The following SPATS2 variants were observed in gnomAD, a reference collection of about 807,000 sequenced individuals.
The protein encoded by SPATS2 is spermatogenesis-associated serine-rich protein 2.
Under a neutral mutation model 63.7 loss-of-function variants are expected in SPATS2, and 38 were observed. That is an observed-to-expected ratio of 0.60 (90% CI 0.46 to 0.78). SPATS2 has a LOEUF of 0.78. Ranked by LOEUF, SPATS2 falls within the 30% of genes least tolerant of loss-of-function variation. The pLI, the probability that SPATS2 is intolerant of heterozygous loss-of-function variation, is 0.00. For synonymous variants in SPATS2, 207 were observed against 232.9 expected, an observed-to-expected ratio of 0.89 and a Z score of 1.01; for missense variants, 588 against 666.2, an observed-to-expected ratio of 0.88 and a Z score of 1.29.
intron 3 of SPATS2, among the ~76,000 whole-genome samples, chr12:49,476,991 G>T (rs1395430951): frequency 6.6e-6 from 1 of 152,034 alleles, no homozygotes; most frequent in Non-Finnish European, 1.5e-5. Flanking sequence ...TATAATCCCA[G>T]CTACTTGGGA....
intron 2 of SPATS2, among the ~76,000 whole-genome samples, chr12:49,437,903 A>G (rs576808586): frequency 2.6e-4 from 40 of 152,242 alleles, no homozygotes; most frequent in African/African-American, 9.4e-4. Flanking sequence ...CTTATGTACA[A>G]ATGACTAGTC....
At chr12:49,504,770 CTTTTTTTTTTT>C (rs745453843) in intron 9 of SPATS2, among the ~76,000 whole-genome samples, 1 of 98,860 alleles carries the variant, frequency 1.0e-5, no homozygotes, top group East Asian at 2.8e-4. Context: ...TTCTTTCTTT[CTTTTTTTTTTT>C]TTTTTTTTTA....
chr12:49,485,881 T>C (rs1477448859), intron 4 of SPATS2, among the ~76,000 whole-genome samples: 1 of 149,388 alleles, frequency 6.7e-6, no homozygotes, highest in Non-Finnish European at 1.5e-5. Flanking sequence ...TCCCCCAGCC[T>C]CCTGAGTAGC....
intron 3 of SPATS2, among the ~76,000 whole-genome samples, chr12:49,464,141 C>T (rs1301960259): frequency 6.6e-6 from 1 of 152,098 alleles, no homozygotes; most frequent in Non-Finnish European, 1.5e-5. Flanking sequence ...TTAAAATTTG[C>T]CCAAGTGTAT....
At chr12:49,480,920 A>G (rs867674929) in intron 3 of SPATS2, among the ~76,000 whole-genome samples, 4 of 152,288 alleles carry the variant, frequency 2.6e-5, no homozygotes, top group Middle Eastern at 3.4e-3. Flanking sequence ...TAACAGCAGA[A>G]TGAGACTGTG....
At chr12:49,394,031 T>C (rs1944464428) in intron 2 of SPATS2, among the ~76,000 whole-genome samples, 1 of 152,112 alleles carries the variant, frequency 6.6e-6, no homozygotes, top group Admixed American at 6.6e-5. Context: ...CCAGGACTTT[T>C]GCATTTTCAT....
intron 2 of SPATS2, among the ~76,000 whole-genome samples, chr12:49,391,820 CTT>C (rs1347695678): frequency 6.6e-6 from 1 of 152,002 alleles, no homozygotes; most frequent in Non-Finnish European, 1.5e-5. Flanking sequence ...CCACTTTACA[CTT>C]CAGAATTTTT....
At chr12:49,397,358 G>A (rs1944528925) in intron 2 of SPATS2, among the ~76,000 whole-genome samples, 2 of 152,140 alleles carry the variant, frequency 1.3e-5, no homozygotes, top group African/African-American at 2.4e-5. Context: ...CCTGTCCTGA[G>A]AAGAGTGCTT....
rs1592473472 is a variant in SPATS2, at chr12:49,512,041, A to T, written c.840-2514A>T. On this transcript the variant is annotated intron_variant, in intron 9 of 13. Coordinates refer to ENST00000552918, the MANE Select transcript of SPATS2 (RefSeq NM_023071.4). ...AATGCTTTAGCATAAATAACCTAAA[A>T]ATAGGTCATTCTTCTATACAACTAT... is the stretch of plus-strand genomic sequence containing the variant. Among the ~76,000 whole-genome samples, 3 of 152,214 alleles carry T rather than the reference A, an allele frequency of 2.0e-5. No individual in the cohort carries two copies. The South Asian group carries it at 6.2e-4, about 31-fold the overall frequency.
At chr12:49,375,174 GTGTGTGTGTGTGTGTGTGT>G (rs1432453817) in intron 2 of SPATS2, among the ~76,000 whole-genome samples, 37 of 135,752 alleles carry the variant, frequency 2.7e-4, no homozygotes, top group African/African-American at 4.1e-4. Context: ...GTGTGTGTGT[GTGTGTGTGTGTGTGTGTGT>G]GTGGTGGTAG....
At chr12:49,487,253 G>C (rs975084629) in intron 4 of SPATS2, among the ~76,000 whole-genome samples, 1 of 152,134 alleles carries the variant, frequency 6.6e-6, no homozygotes, top group Non-Finnish European at 1.5e-5. Context: ...TTGGGAGGCC[G>C]AGGCAGGCAG....
At position 49,367,840 on chromosome 12, in the gene SPATS2, T is replaced by G. The variant is rs143602476; in HGVS notation, c.-307+253T>G. Among the ~76,000 whole-genome samples, 988 of 132,910 alleles carry G rather than the reference T, an allele frequency of 7.4e-3. 9 individuals carry two copies. Among genetic ancestry groups the G allele is most frequent in the African/African-American group, 0.026 (899 of 34,880 alleles). The allele number at this position is 132,910 out of a possible 152,430, so 87.2% of individuals were successfully genotyped here. ...GATAGGCCGGGGAAACAATGGAGTG[T>G]GGGGGGGACTCTGGCGTGAGCGTGT... is the stretch of plus-strand genomic sequence containing the variant. On this transcript the variant is annotated intron_variant, in intron 1 of 13. Coordinates refer to ENST00000552918, the MANE Select transcript of SPATS2 (RefSeq NM_023071.4).
chr12:49,503,939 G>C (rs1029996493), intron 9 of SPATS2, among the ~76,000 whole-genome samples: 1 of 152,160 alleles, frequency 6.6e-6, no homozygotes, highest in African/African-American at 2.4e-5. Flanking sequence ...TAACAACCAG[G>C]TCAATTTAAC....
chr12:49,423,142 G>GTT (rs1320450085), intron 2 of SPATS2, among the ~76,000 whole-genome samples: 3 of 142,016 alleles, frequency 2.1e-5, no homozygotes, highest in African/African-American at 2.6e-5. Context: ...TACTGTTTTT[G>GTT]TTTTTTTTTT....
At chr12:49,517,249 C>T (rs939926522) in intron 10 of SPATS2, among the ~76,000 whole-genome samples, 1 of 152,158 alleles carries the variant, frequency 6.6e-6, no homozygotes, top group Non-Finnish European at 1.5e-5. Flanking sequence ...CGTTAAGAAA[C>T]TTTTGTAGGC....
intron 10 of SPATS2, among the ~76,000 whole-genome samples, chr12:49,516,592 G>C (rs886737595): frequency 5.9e-5 from 9 of 151,688 alleles, no homozygotes; most frequent in African/African-American, 1.9e-4. Flanking sequence ...TGTAGTCCCA[G>C]CTACTCGGGA....
At chr12:49,453,447 A>G (rs941616599) in intron 2 of SPATS2, among the ~76,000 whole-genome samples, 1 of 151,508 alleles carries the variant, frequency 6.6e-6, no homozygotes, top group African/African-American at 2.4e-5. Flanking sequence ...TCTTTTTCTC[A>G]CTGTGGTATG....
rs200435044 is a variant in SPATS2, at chr12:49,510,096, AT to A, written c.840-4444del. Among the ~76,000 whole-genome samples, 1,344 of 143,390 alleles carry A rather than the reference AT, an allele frequency of 9.4e-3. 14 individuals carry two copies. Among genetic ancestry groups the A allele is most frequent in the African/African-American group, 0.022 (868 of 39,372 alleles). 94.1% of individuals were successfully genotyped at this position (143,390 alleles called of 152,430 possible). ...ACATAGTGAGACCCCCGCCTCTATA[AT>A]TTTTTTTTTTTTTTAAATTAGCCAA... On this transcript the variant is annotated intron_variant, in intron 9 of 13. Coordinates refer to ENST00000552918, the MANE Select transcript of SPATS2 (RefSeq NM_023071.4).
At chr12:49,524,129 A>C (rs1423292777) in intron 12 of SPATS2, among the ~76,000 whole-genome samples, 1 of 152,242 alleles carries the variant, frequency 6.6e-6, no homozygotes, top group Non-Finnish European at 1.5e-5. Context: ...ATTTGGGATT[A>C]ATTTTGCAGA....
Sources: allele counts gnomAD v4.1 joint callset (sites outside exome capture counted in the v4.1 genomes callset), GRCh38; gene constraint gnomAD v4.1.1; transcripts MANE v1.5; gene names NCBI Gene and HGNC (gene_info 2026-07-23, HGNC 2026-07-21).